The following ZSCAN21 variants were observed in gnomAD, a reference collection of about 807,000 sequenced individuals.
ZSCAN21 encodes the protein zinc finger and SCAN domain-containing protein 21.
In ZSCAN21, 26 loss-of-function variants were observed where a neutral mutation model predicts 35.6. The ratio of observed to expected loss-of-function variants is 0.73; its 90% CI spans 0.54 to 1.01. The LOEUF (loss-of-function observed/expected upper bound fraction) is 1.01. Among genes scored for constraint, ZSCAN21 ranks in the 50% least tolerant of loss-of-function variants. The probability of loss-of-function intolerance (pLI) is 0.00; values close to 1 mark genes in which losing one functional copy is unlikely to be tolerated. For synonymous variants in ZSCAN21, 219 were observed against 219.3 expected, an observed-to-expected ratio of 1.00 and a Z score of 0.01; for missense variants, 593 against 587.1, an observed-to-expected ratio of 1.01 and a Z score of -0.10.
chr7:100,058,418 A>C (rs1445385738), intron 3 of ZSCAN21, among the ~76,000 whole-genome samples: 2 of 152,132 alleles, frequency 1.3e-5, no homozygotes, highest in Non-Finnish European at 2.9e-5. Context: ...CTGCCCTTAA[A>C]TCTCCTGCTT....
intron 1 of ZSCAN21, among the ~76,000 whole-genome samples, chr7:100,050,379 A>T (rs761150526): frequency 2.6e-5 from 4 of 152,188 alleles, no homozygotes; most frequent in African/African-American, 9.6e-5. Flanking sequence ...AAACAGTCTT[A>T]AAGAACCATG....
rs758998835 is a variant in ZSCAN21 at position 100,057,195 on chromosome 7, G to A, written c.189G>A (p.Leu63=). The change falls in exon 2 of 4, where the codon CTG becomes CTA. Residue 63 remains leucine, a synonymous_variant. Coordinates refer to ENST00000292450, the MANE Select transcript of ZSCAN21 (RefSeq NM_145914.3). The part of the protein sequence containing the change: ...YHDTPGPREA[L]SQLRVLCCEW... ...ATACCCCTGGACCCCGAGAGGCCCT[G>A]AGCCAACTCCGGGTGCTCTGCTGTG... 1.5e-5 allele frequency: 25 copies of A among 1,613,756 alleles called. No individual in the cohort carries two copies. The highest frequency in any genetic ancestry group is 2.0e-5 in the Non-Finnish European group (24 of 1,180,006).
chr7:100,051,877 CTG>C (rs1184643803), intron 1 of ZSCAN21, among the ~76,000 whole-genome samples: 1 of 152,008 alleles, frequency 6.6e-6, no homozygotes, highest in African/African-American at 2.4e-5. Context: ...TAAAAAGTCA[CTG>C]TGATTGTAGA....
At position 100,064,641 on chromosome 7, in the gene ZSCAN21, CGTT is replaced by C. The variant is rs758340873; in HGVS notation, c.*28_*30del. On this transcript the variant is annotated 3_prime_UTR_variant, in exon 4 of 4. Transcript: ENST00000292450. ...AACTTTCAAGCGCTCCTGTTGTTGT[CGTT>C]GTTTTAAACTTTAGAATCTGAAAAC... The C allele has an allele frequency of 1.1e-4, 180 of 1,604,530 alleles. No homozygotes were observed. In the African/African-American group the frequency reaches 1.4e-3, roughly 13 times the overall value.
Position 100,064,305 on chromosome 7 carries a change from C to A in ZSCAN21, c.1110C>A (p.Ser370Arg). 1 of 1,613,910 alleles carries A rather than the reference C, an allele frequency of 6.2e-7. No homozygotes were observed. Among genetic ancestry groups the A allele is most frequent in the South Asian group, 1.1e-5 (1 of 91,064 alleles). ...GCAAAGATTGTGGCAAGGCTTTCAG[C>A]GGGAAAGGCAGCCTCATTCGTCACT... ...YQCKDCGKAF[S>R]GKGSLIRHYR... The change falls in exon 4 of 4, where the codon AGC becomes AGA. Residue 370 changes from serine (S) to arginine (R), a missense_variant. By Grantham distance (110) the Ser-to-Arg change is moderately radical. Coordinates refer to ENST00000292450, the MANE Select transcript of ZSCAN21 (RefSeq NM_145914.3).
chr7:100,057,692 C>A lies in ZSCAN21; in HGVS notation c.400-6C>A. Reference sequence around the variant, plus strand: ...CACAAACCTAGCCATTCCTGATTGTCTCTAGGTCTCAACTCCTCCAAACGA... The same window carrying A: ...CACAAACCTAGCCATTCCTGATTGTATCTAGGTCTCAACTCCTCCAAACGA... On this transcript the variant is annotated splice_polypyrimidine_tract_variant and splice_region_variant and intron_variant, in intron 2 of 3. Coordinates refer to ENST00000292450, the MANE Select transcript of ZSCAN21 (RefSeq NM_145914.3). The A allele has an allele frequency of 6.2e-7, 1 of 1,604,062 alleles. No homozygotes were observed. Among genetic ancestry groups the A allele is most frequent in the Non-Finnish European group, 8.5e-7 (1 of 1,175,100 alleles).
At position 100,057,227 on chromosome 7, in the gene ZSCAN21, T is replaced by G; in HGVS notation, c.221T>G (p.Leu74Arg). ...CTCCGGGTGCTCTGCTGTGAGTGGC[T>G]GAGGCCCGAGATCCACACCAAGGAG... ...SQLRVLCCEW[L>R]RPEIHTKEQI... Residue 74 changes from leucine to arginine, a missense_variant, in exon 2 of 4, where the codon CTG becomes CGG. By Grantham distance (102) the Leu-to-Arg change is moderately radical (BLOSUM62 -2). Transcript: ENST00000292450. 1 of 1,476,574 alleles carries G rather than the reference T, an allele frequency of 6.8e-7. No homozygotes were observed. The highest frequency in any genetic ancestry group is 9.0e-7 in the Non-Finnish European group (1 of 1,112,116). 91.5% of individuals were successfully genotyped at this position (1,476,574 alleles called of 1,614,324 possible). A position where few individuals can be genotyped will look rare whatever the true frequency, so the allele number is the denominator to read the frequency against.
intron 1 of ZSCAN21, among the ~76,000 whole-genome samples, chr7:100,052,218 C>G (rs1369447674): frequency 2.0e-5 from 3 of 151,808 alleles, no homozygotes; most frequent in Non-Finnish European, 4.4e-5. Flanking sequence ...CATGGCACCA[C>G]TACACGCCAG....
rs747027091 is a variant in ZSCAN21 at position 100,064,472 on chromosome 7, A to C, written c.1277A>C (p.Asn426Thr). 24 of 1,613,828 alleles carry C rather than the reference A, an allele frequency of 1.5e-5. No individual in the cohort carries two copies. Among genetic ancestry groups the C allele is most frequent in the Non-Finnish European group, 2.0e-5 (24 of 1,179,984 alleles). The part of the protein sequence containing the change: ...YKCKECGKAF[N>T]HSSNFNKHHR... ...TGTAAGGAGTGTGGGAAAGCCTTCA[A>C]CCACAGCTCCAACTTCAATAAACAC... Residue 426 changes from asparagine (N) to threonine (T), a missense_variant, in exon 4 of 4, where the codon AAC (asparagine) becomes ACC (threonine). Asn to Thr is a moderately conservative substitution (Grantham distance 65, BLOSUM62 0). Transcript: ENST00000292450.
At chr7:100,054,375 A>T (rs1253158881) in intron 1 of ZSCAN21, among the ~76,000 whole-genome samples, 1 of 150,306 alleles carries the variant, frequency 6.7e-6, no homozygotes, top group African/African-American at 2.5e-5. Context: ...TCAGCCTCCC[A>T]TGTAGTTGGG....
At chr7:100,055,240 G>A (rs928812462) in intron 1 of ZSCAN21, among the ~76,000 whole-genome samples, 1 of 150,788 alleles carries the variant, frequency 6.6e-6, no homozygotes, top group African/African-American at 2.4e-5. Context: ...ACAGATGTGA[G>A]CCACTGCACC....
At position 100,057,832 on chromosome 7, in the gene ZSCAN21, G is replaced by A. The variant is rs374319672; in HGVS notation, c.534G>A (p.Leu178=). ...ACAAATACGAGTCTTGGGGGCCCCTGTACATCCAAGAGTCTGGTGAGGAGC... is the reference window on the plus strand; with the variant it reads ...ACAAATACGAGTCTTGGGGGCCCCTATACATCCAAGAGTCTGGTGAGGAGC... ...TSHKYESWGP[L]YIQESGEEQE... The change falls in exon 3 of 4, where the codon CTG becomes CTA. Residue 178 remains leucine, a synonymous_variant. Transcript: ENST00000292450. 6.2e-7 allele frequency: 1 copy of A among 1,613,932 alleles called. No individual in the cohort carries two copies. The highest frequency in any genetic ancestry group is 8.5e-7 in the Non-Finnish European group (1 of 1,179,922).
chr7:100,063,485 C>A (rs563278796), intron 3 of ZSCAN21, among the ~76,000 whole-genome samples: 1 of 152,220 alleles, frequency 6.6e-6, no homozygotes, highest in South Asian at 2.1e-4. Context: ...GCCTGTAATT[C>A]CAGCTACTCT....
At chr7:100,053,308 A>G (rs1791952707) in intron 1 of ZSCAN21, among the ~76,000 whole-genome samples, 1 of 151,962 alleles carries the variant, frequency 6.6e-6, no homozygotes, top group African/African-American at 2.4e-5. Flanking sequence ...TGTATCGCAC[A>G]TGAATGTTAT....
At chr7:100,055,853 A>G (rs975240789) in intron 1 of ZSCAN21, among the ~76,000 whole-genome samples, 2 of 151,008 alleles carry the variant, frequency 1.3e-5, no homozygotes, top group Non-Finnish European at 2.9e-5. Flanking sequence ...CATGTTAGCC[A>G]GGATGGTCTC....
In ZSCAN21 at chr7:100,057,842, G is replaced by C; in HGVS notation, c.544G>C (p.Glu182Gln). 6.2e-7 allele frequency: 1 copy of C among 1,613,604 alleles called. No homozygotes were observed. Among genetic ancestry groups the C allele is most frequent in the East Asian group, 2.2e-5 (1 of 44,870 alleles). ...GTCTTGGGGGCCCCTGTACATCCAA[G>C]AGTCTGGTGAGGAGCAGGAGTTCGC... ...YESWGPLYIQESGEEQEFAQD... is the reference protein window; with the variant it reads ...YESWGPLYIQQSGEEQEFAQD... The change falls in exon 3 of 4, where the codon GAG becomes CAG. Residue 182 changes from glutamate (E) to glutamine (Q), a missense_variant. Physicochemically the swap from Glu to Gln is conservative, Grantham distance 29. Coordinates refer to ENST00000292450, the MANE Select transcript of ZSCAN21 (RefSeq NM_145914.3).
At chr7:100,063,401 C>T (rs1792439549) in intron 3 of ZSCAN21, among the ~76,000 whole-genome samples, 2 of 152,006 alleles carry the variant, frequency 1.3e-5, no homozygotes, top group African/African-American at 4.8e-5. Context: ...AGATCAAGAC[C>T]ATCCTGGCCA....
intron 1 of ZSCAN21, among the ~76,000 whole-genome samples, chr7:100,051,282 C>CTTTCTTTTTTTTTT (rs1791863760): frequency 2.9e-5 from 1 of 34,948 alleles, no homozygotes; most frequent in Admixed American, 4.7e-4. Context: ...TAGGGATTTT[C>CTTTCTTTTTTTTTT]TTTTTTTTTT....
chr7:100,058,451 G>A (rs1442372607), intron 3 of ZSCAN21, among the ~76,000 whole-genome samples: 2 of 152,188 alleles, frequency 1.3e-5, no homozygotes, highest in Admixed American at 6.6e-5. Context: ...GACAAACTCA[G>A]TTGGCAGCCA....
Sources: allele counts gnomAD v4.1 joint callset (sites outside exome capture counted in the v4.1 genomes callset), GRCh38; gene constraint gnomAD v4.1.1; transcripts MANE v1.5; gene names NCBI Gene and HGNC (gene_info 2026-07-23, HGNC 2026-07-21).